The following SLC35F1 variants were observed in gnomAD, a reference collection of about 807,000 sequenced individuals.
The protein encoded by SLC35F1 is solute carrier family 35 member F1, also known as chromosome 6 open reading frame 169.
In SLC35F1, 14 loss-of-function variants were observed where a neutral mutation model predicts 48.7. That is an observed-to-expected ratio of 0.29 (90% CI 0.19 to 0.45). The LOEUF (loss-of-function observed/expected upper bound fraction) is 0.45. Ranked by LOEUF, SLC35F1 falls within the 20% of genes least tolerant of loss-of-function variation. SLC35F1 has a pLI of 1.00. For synonymous variants in SLC35F1, 190 were observed against 202.2 expected (o/e 0.94, Z 0.51); for missense variants, 404 against 500.0 (o/e 0.81, Z 1.83).
chr6:118,122,552 ATAAAGAAAGTTTACT>A lies in SLC35F1; in HGVS notation c.174-31891_174-31877del, dbSNP rs1300841595. Among the ~76,000 whole-genome samples the A allele has an allele frequency of 2.6e-5, 4 of 152,382 alleles. No homozygotes were observed. The East Asian group carries it at 7.7e-4, about 29-fold the overall frequency. ...AAGCTTGGAAAATGAGATGTGCATG[ATAAAGAAAGTTTACT>A]TTTATTGTGCGCGTTTAGTATACTA... On this transcript the variant is annotated intron_variant, in intron 1 of 7. Coordinates refer to ENST00000360388, the MANE Select transcript of SLC35F1 (RefSeq NM_001029858.4).
At chr6:118,297,924 G>C (rs887552272) in intron 7 of SLC35F1, among the ~76,000 whole-genome samples, 1 of 151,694 alleles carries the variant, frequency 6.6e-6, no homozygotes, top group Non-Finnish European at 1.5e-5. Context: ...CGGATTCCTC[G>C]TGAATGGCTT....
intron 1 of SLC35F1, among the ~76,000 whole-genome samples, chr6:118,119,500 C>CA (rs1554229009): frequency 1.2e-5 from 1 of 80,398 alleles, no homozygotes; most frequent in East Asian, 6.2e-4. Context: ...CGGCGCCCCC[C>CA]CTCCACCCCG....
chr6:118,128,607 A>G (rs1045027220), intron 1 of SLC35F1, among the ~76,000 whole-genome samples: 17 of 152,120 alleles, frequency 1.1e-4, no homozygotes, highest in Non-Finnish European at 2.2e-4. Context: ...TGGGAATTGA[A>G]CAATGAGAAC....
intron 2 of SLC35F1, among the ~76,000 whole-genome samples, chr6:118,184,954 G>A (rs924782256): frequency 1.3e-5 from 2 of 152,162 alleles, no homozygotes; most frequent in African/African-American, 4.8e-5. Flanking sequence ...GGATTAGTCA[G>A]GAGATTTAGT....
intron 1 of SLC35F1, among the ~76,000 whole-genome samples, chr6:118,094,931 G>A (rs1294226748): frequency 6.6e-6 from 1 of 151,350 alleles, no homozygotes; most frequent in Non-Finnish European, 1.5e-5. Context: ...TCGTGCCACT[G>A]CAGTCCAGCC....
In SLC35F1 at chr6:118,316,924, A is replaced by C. The variant is rs1288924680; in HGVS notation, c.*2672A>C. On this transcript the variant is annotated 3_prime_UTR_variant, in exon 8 of 8. Transcript: ENST00000360388. ...CCAGACTGACCCTCCAGGAAAAAAA[A>C]AATCGCAAAGAACAAATTCTTTTTC... 2.0e-5 allele frequency: 3 copies of C among 152,572 alleles called. No individual in the cohort carries two copies. Among genetic ancestry groups the C allele is most frequent in the Non-Finnish European group, 4.4e-5 (3 of 68,020 alleles). The allele number at this position is 152,572 out of a possible 1,614,324, so 9.5% of individuals were successfully genotyped here.
In SLC35F1 at chr6:118,001,634, A is replaced by G. The variant is rs375509639; in HGVS notation, c.173+93735A>G. ...TTAAACTAAAGAGCTTCTGCACAGCAAAAGAAACTACCATCAGAGTGAACA... is the reference window on the plus strand; with the variant it reads ...TTAAACTAAAGAGCTTCTGCACAGCGAAAGAAACTACCATCAGAGTGAACA... On this transcript the variant is annotated intron_variant, in intron 1 of 7. Coordinates refer to ENST00000360388, the MANE Select transcript of SLC35F1 (RefSeq NM_001029858.4). 2.2e-3 allele frequency among the ~76,000 whole-genome samples: 341 copies of G among 152,152 alleles called. 2 individuals carry two copies. The highest frequency in any genetic ancestry group is 0.013 in the South Asian group (63 of 4,814).
rs1772364983 is a variant in SLC35F1 at position 118,050,087 on chromosome 6, C to T, written c.174-104358C>T. On this transcript the variant is annotated intron_variant, in intron 1 of 7. Coordinates refer to ENST00000360388, the MANE Select transcript of SLC35F1 (RefSeq NM_001029858.4). ...GTAGGGACATAGATGAAACTGGAAACCATCATTCTCAGCAAACTATCACAA... is the reference window on the plus strand; with the variant it reads ...GTAGGGACATAGATGAAACTGGAAATCATCATTCTCAGCAAACTATCACAA... Among the ~76,000 whole-genome samples the T allele has an allele frequency of 2.0e-5, 3 of 152,064 alleles. No homozygotes were observed. In the South Asian group the frequency reaches 6.2e-4, roughly 32 times the overall value.
At chr6:118,244,199 C>T (rs1003064705) in intron 3 of SLC35F1, among the ~76,000 whole-genome samples, 4 of 152,230 alleles carry the variant, frequency 2.6e-5, no homozygotes, top group African/African-American at 9.6e-5. Context: ...TCTTTAAATG[C>T]ATTCTCCATG....
intron 1 of SLC35F1, among the ~76,000 whole-genome samples, chr6:117,940,137 A>T (rs1488611241): frequency 2.0e-5 from 3 of 152,238 alleles, no homozygotes; most frequent in Non-Finnish European, 4.4e-5. Flanking sequence ...AGTATCTTAG[A>T]GGGAGAGAAA....
chr6:118,199,545 T>C (rs1356443446), intron 2 of SLC35F1, among the ~76,000 whole-genome samples: 1 of 152,226 alleles, frequency 6.6e-6, no homozygotes, highest in Non-Finnish European at 1.5e-5. Context: ...TAAAGTTTTC[T>C]TTATCTCATT....
intron 1 of SLC35F1, among the ~76,000 whole-genome samples, chr6:117,918,146 G>A (rs1324636315): frequency 6.6e-6 from 1 of 152,126 alleles, no homozygotes; most frequent in Non-Finnish European, 1.5e-5. Flanking sequence ...GGGAGGGAAT[G>A]TGAGGTGGAG....
chr6:118,127,972 C>T (rs567375695), intron 1 of SLC35F1, among the ~76,000 whole-genome samples: 1 of 152,162 alleles, frequency 6.6e-6, no homozygotes, highest in South Asian at 2.1e-4. Flanking sequence ...AGGAAAAAAA[C>T]AAACAACCCC....
At chr6:117,974,408 C>G (rs1401762830) in intron 1 of SLC35F1, among the ~76,000 whole-genome samples, 1 of 152,134 alleles carries the variant, frequency 6.6e-6, no homozygotes, top group African/African-American at 2.4e-5. Flanking sequence ...ATTTCTTATT[C>G]TGCACTGAAG....
Position 117,999,624 on chromosome 6 carries a change from C to A in SLC35F1, c.173+91725C>A, listed in dbSNP as rs9765973. ...GAGCAGAACTGAAGGAAATAGAGACCCAAAAAAACCCTTCAGAAAATTAAT... is the reference window on the plus strand; with the variant it reads ...GAGCAGAACTGAAGGAAATAGAGACACAAAAAAACCCTTCAGAAAATTAAT... On this transcript the variant is annotated intron_variant, in intron 1 of 7. Transcript: ENST00000360388. Among the ~76,000 whole-genome samples, 925 of 150,756 alleles carry A rather than the reference C, an allele frequency of 6.1e-3. 6 individuals are homozygous for A. The highest frequency in any genetic ancestry group is 0.02 in the African/African-American group (816 of 41,106).
At chr6:118,082,357 C>G (rs1377958912) in intron 1 of SLC35F1, among the ~76,000 whole-genome samples, 3 of 152,140 alleles carry the variant, frequency 2.0e-5, no homozygotes, top group African/African-American at 7.2e-5. Context: ...ATACTGATAA[C>G]TAGTGACAGA....
intron 3 of SLC35F1, among the ~76,000 whole-genome samples, chr6:118,247,117 T>C (rs1775517364): frequency 6.6e-6 from 1 of 152,230 alleles, no homozygotes; most frequent in Non-Finnish European, 1.5e-5. Flanking sequence ...AGAAGATACA[T>C]TTTGCCTAAC....
intron 3 of SLC35F1, among the ~76,000 whole-genome samples, chr6:118,253,879 A>G (rs1283874981): frequency 1.3e-5 from 2 of 151,982 alleles, no homozygotes; most frequent in Non-Finnish European, 2.9e-5. Context: ...ATTGATCTTC[A>G]CAGGCTGGCT....
intron 1 of SLC35F1, among the ~76,000 whole-genome samples, chr6:118,047,471 T>C (rs534456203): frequency 3.3e-4 from 50 of 152,310 alleles, no homozygotes; most frequent in African/African-American, 1.0e-3. Context: ...ATATGAACTT[T>C]TTTTAGTCAG....
Sources: gnomAD v4.1 joint callset for allele counts (sites outside exome capture counted in the v4.1 genomes callset) on GRCh38, gnomAD v4.1.1 for gene constraint, MANE v1.5 for transcripts, NCBI Gene and HGNC (gene_info 2026-07-23, HGNC 2026-07-21) for gene names.